ANGPT2: variants seen among roughly 807,000 people sequenced by gnomAD.
The protein encoded by ANGPT2 is angiopoietin-2.
ANGPT2 carries 28 observed loss-of-function variants against 62.9 expected under a neutral mutation model. That is an observed-to-expected ratio of 0.44 (90% CI 0.33 to 0.61). The LOEUF is 0.61. ANGPT2 is among the 20% of genes least tolerant of loss of function. The probability of loss-of-function intolerance (pLI) is 0.03; values close to 1 mark genes in which losing one functional copy is unlikely to be tolerated. For synonymous variants in ANGPT2, 284 were observed against 207.8 expected (o/e 1.37, Z -3.15); for missense variants, 727 against 594.9 (o/e 1.22, Z -2.31).
chr8:6,516,699 A>G (rs887855626), intron 5 of ANGPT2, among the ~76,000 whole-genome samples: 3 of 152,200 alleles, frequency 2.0e-5, no homozygotes, highest in South Asian at 2.1e-4. Context: ...TTAATTCTGT[A>G]TCCTAAATGG....
chr8:6,532,902 C>A (rs1253489983), intron 1 of ANGPT2, among the ~76,000 whole-genome samples: 1 of 152,214 alleles, frequency 6.6e-6, no homozygotes, highest in Admixed American at 6.5e-5. Flanking sequence ...AGAAGCATCA[C>A]TATTTCTCTC....
chr8:6,504,397 C>A (rs554069625), intron 8 of ANGPT2, among the ~76,000 whole-genome samples: 7 of 152,038 alleles, frequency 4.6e-5, no homozygotes, highest in East Asian at 3.9e-4. Context: ...CTCCTGATGC[C>A]CACTTCATCC....
chr8:6,505,697 ATTC>A (rs1446408782), intron 8 of ANGPT2, among the ~76,000 whole-genome samples: 1 of 101,192 alleles, frequency 9.9e-6, no homozygotes. Flanking sequence ...GAATATATGT[ATTC>A]TTTATTACGT....
At chr8:6,559,424 T>C (rs1825170263) in intron 1 of ANGPT2, among the ~76,000 whole-genome samples, 1 of 152,218 alleles carries the variant, frequency 6.6e-6, no homozygotes, top group Non-Finnish European at 1.5e-5. Context: ...ATTAAAAAGA[T>C]ACACTATTAT....
intron 1 of ANGPT2, among the ~76,000 whole-genome samples, 163 bp from the exon 2 acceptor site, chr8:6,532,650 A>G (rs939651313): frequency 6.7e-6 from 1 of 148,822 alleles, no homozygotes; most frequent in Non-Finnish European, 1.5e-5. Context: ...TTTTTTTATC[A>G]TTAGGAAAAT....
At chr8:6,526,272 A>AAG (rs1357659895) in intron 3 of ANGPT2, among the ~76,000 whole-genome samples, 1 of 150,250 alleles carries the variant, frequency 6.7e-6, no homozygotes, top group Non-Finnish European at 1.5e-5. Context: ...AAAAAAAAAA[A>AAG]AAAAAAAAAA....
At position 6,519,850 on chromosome 8, in the gene ANGPT2, G is replaced by A. The variant is rs1563334339; in HGVS notation, c.927+14C>T. ...TAGAGCCAGGGAGTTAGTAAGGGGAGACGAATACCTCACCTTGATCTCTTC... is the reference window on the plus strand; with the variant it reads ...TAGAGCCAGGGAGTTAGTAAGGGGAAACGAATACCTCACCTTGATCTCTTC... On this transcript the variant is annotated intron_variant, in intron 5 of 8. Coordinates refer to ENST00000629816, the MANE Select transcript of ANGPT2 (RefSeq NM_001118887.2). The A allele has an allele frequency of 6.2e-7, 1 of 1,613,238 alleles. No homozygotes were observed.
intron 3 of ANGPT2, among the ~76,000 whole-genome samples, chr8:6,522,326 G>T (rs549506725): frequency 6.6e-6 from 1 of 152,016 alleles, no homozygotes; most frequent in South Asian, 2.1e-4. Flanking sequence ...CTGCACTCCA[G>T]CCTGGGCGAC....
chr8:6,502,102 T>C lies in ANGPT2; in HGVS notation c.*999A>G, dbSNP rs1812308962. 2.0e-5 allele frequency: 3 copies of C among 152,132 alleles called. No homozygotes were observed. The highest frequency in any genetic ancestry group is 6.6e-5 in the Admixed American group (1 of 15,266). 9.4% of individuals were successfully genotyped at this position (152,132 alleles called of 1,614,324 possible). On this transcript the variant is annotated 3_prime_UTR_variant, in exon 9 of 9. Transcript: ENST00000629816. ...TGTAGTCTAGTTCTATAAAAATATA[T>C]CTTACTAGGAAAGAAAACAGACCTC...
At chr8:6,538,766 C>T (rs985025075) in intron 1 of ANGPT2, among the ~76,000 whole-genome samples, 2 of 152,196 alleles carry the variant, frequency 1.3e-5, no homozygotes, top group Admixed American at 6.5e-5. Context: ...TTCTTGCTTG[C>T]TTGGTGAAGA....
chr8:6,523,761 G>C (rs1817810057), intron 3 of ANGPT2, among the ~76,000 whole-genome samples: 1 of 152,078 alleles, frequency 6.6e-6, no homozygotes, highest in Non-Finnish European at 1.5e-5. Flanking sequence ...CTAATTTTTT[G>C]TATTTTTAGT....
intron 1 of ANGPT2, among the ~76,000 whole-genome samples, chr8:6,556,293 C>T (rs531578723): frequency 6.6e-6 from 1 of 151,960 alleles, no homozygotes; most frequent in African/African-American, 2.4e-5. Flanking sequence ...ATAATTATAC[C>T]TGATATTTAC....
chr8:6,533,409 A>C (rs1819901977), intron 1 of ANGPT2, among the ~76,000 whole-genome samples: 1 of 152,158 alleles, frequency 6.6e-6, no homozygotes, highest in Admixed American at 6.5e-5. Context: ...TCTGCTTTAT[A>C]GTCTTGGTTC....
chr8:6,521,356 C>A lies in ANGPT2; in HGVS notation c.621G>T (p.Gln207His). 2.5e-6 allele frequency: 4 copies of A among 1,613,674 alleles called. No individual in the cohort carries two copies. Among genetic ancestry groups the A allele is most frequent in the Non-Finnish European group, 2.5e-6 (3 of 1,179,926 alleles). ...AMEDKHIIQL[Q>H]SIKEEKDQLQ... is the part of the protein sequence containing the mutation. ...GCTGATCTTTCTCTTCTTTTATTGACTGTAGTTGGATGATGTGCTTGTCTT... is the reference window on the plus strand; with the variant it reads ...GCTGATCTTTCTCTTCTTTTATTGAATGTAGTTGGATGATGTGCTTGTCTT... Residue 207 changes from glutamine (Q) to histidine (H), a missense_variant, in exon 4 of 9, where the codon CAG becomes CAT. Coordinates refer to ENST00000629816, the MANE Select transcript of ANGPT2 (RefSeq NM_001118887.2).
chr8:6,527,899 A>ATTTTTTTTTTTTTTTTTT (rs71213313), intron 2 of ANGPT2, among the ~76,000 whole-genome samples: 11 of 133,146 alleles, frequency 8.3e-5, no homozygotes, highest in Non-Finnish European at 1.6e-4. Flanking sequence ...CCACGTCTCT[A>ATTTTTTTTTTTTTTTTTT]TTTTTTTTTT....
chr8:6,551,153 T>A (rs1296939259), intron 1 of ANGPT2, among the ~76,000 whole-genome samples: 1 of 152,170 alleles, frequency 6.6e-6, no homozygotes, highest in Non-Finnish European at 1.5e-5. Context: ...GATGCTGACT[T>A]AGGATTTTAA....
rs115046843 is a variant in ANGPT2, at chr8:6,512,152, A to G, written c.1196+1526T>C. Among the ~76,000 whole-genome samples, 1,120 of 152,324 alleles carry G rather than the reference A, an allele frequency of 7.4e-3. 12 individuals are homozygous for G. The highest frequency in any genetic ancestry group is 0.026 in the African/African-American group (1,062 of 41,558). On this transcript the variant is annotated intron_variant, in intron 7 of 8. Coordinates refer to ENST00000629816, the MANE Select transcript of ANGPT2 (RefSeq NM_001118887.2). ...TAGTGAATATGCTTCACTGATGTTT[A>G]AAGAGTCACATCCATGTATATCTGT...
intron 1 of ANGPT2, among the ~76,000 whole-genome samples, chr8:6,545,367 A>C (rs7005658): frequency 0.17 from 25,757 of 152,202 alleles, 2,668 homozygotes; most frequent in South Asian, 0.23. Context: ...AAATTCTTTT[A>C]AAAACTAAAA....
intron 1 of ANGPT2, among the ~76,000 whole-genome samples, chr8:6,543,708 A>G (rs1369745478): frequency 1.3e-5 from 2 of 152,164 alleles, no homozygotes; most frequent in East Asian, 1.9e-4. Context: ...TAGGAAGATA[A>G]TCTACCCCTT....
Sources: allele counts gnomAD v4.1 joint callset (sites outside exome capture counted in the v4.1 genomes callset), GRCh38; gene constraint gnomAD v4.1.1; transcripts MANE v1.5; gene names NCBI Gene and HGNC (gene_info 2026-07-23, HGNC 2026-07-21).